ZBTB20: variants seen among roughly 807,000 people sequenced by gnomAD.
ZBTB20 encodes zinc finger and BTB domain containing 20.
In ZBTB20, 9 loss-of-function variants were observed where a neutral mutation model predicts 56.9. That is an observed-to-expected ratio of 0.16 (90% CI 0.10 to 0.28). The LOEUF (loss-of-function observed/expected upper bound fraction) is 0.28, where lower values mean the gene tolerates loss of function less well. Among genes scored for constraint, ZBTB20 ranks in the 10% least tolerant of loss-of-function variants. The probability of loss-of-function intolerance (pLI) is 1.00; values close to 1 mark genes in which losing one functional copy is unlikely to be tolerated. For missense variants in ZBTB20, 655 were observed against 1,003.0 expected (o/e 0.65, Z 4.69); for synonymous variants, 417 against 420.7 (o/e 0.99, Z 0.11).
intron 5 of ZBTB20, among the ~76,000 whole-genome samples, chr3:114,769,552 C>CATATATATAT (rs6148023): frequency 1.5e-4 from 18 of 116,732 alleles, no homozygotes; most frequent in African/African-American, 4.5e-4. Context: ...TGCCAAAATG[C>CATATATATAT]ATATATATAT....
At chr3:114,660,582 T>C (rs1391037582) in intron 6 of ZBTB20, among the ~76,000 whole-genome samples, 1 of 152,080 alleles carries the variant, frequency 6.6e-6, no homozygotes, top group Non-Finnish European at 1.5e-5. Flanking sequence ...GATTATTAAA[T>C]GATAGAGTAA....
chr3:114,922,721 A>C (rs1391248054), intron 3 of ZBTB20, among the ~76,000 whole-genome samples: 2 of 152,220 alleles, frequency 1.3e-5, no homozygotes, highest in African/African-American at 4.8e-5. Context: ...AAGTGAAGCC[A>C]GTGTGTGGAG....
intron 3 of ZBTB20, among the ~76,000 whole-genome samples, chr3:114,968,037 A>G (rs9882022): frequency 0.37 from 56,838 of 151,932 alleles, 12,410 homozygotes; most frequent in Non-Finnish European, 0.51. Context: ...ACAAGCTATT[A>G]TATAAAAATA....
chr3:115,111,471 A>C (rs1221074893), intron 1 of ZBTB20, among the ~76,000 whole-genome samples: 1 of 152,204 alleles, frequency 6.6e-6, no homozygotes, highest in African/African-American at 2.4e-5. Context: ...TATCTTAATA[A>C]AATTCATGTA....
At chr3:114,796,056 T>C (rs2071322606) in intron 5 of ZBTB20, among the ~76,000 whole-genome samples, 1 of 152,034 alleles carries the variant, frequency 6.6e-6, no homozygotes, top group African/African-American at 2.4e-5. Flanking sequence ...CACAAGCTTG[T>C]TGGCTTATAA....
chr3:114,934,626 T>A (rs1363568655), intron 3 of ZBTB20, among the ~76,000 whole-genome samples: 2 of 152,186 alleles, frequency 1.3e-5, no homozygotes, highest in Non-Finnish European at 2.9e-5. Context: ...TGGCCCTTCC[T>A]CTTTCTATCT....
chr3:114,644,252 T>C (rs2059717460), intron 6 of ZBTB20, among the ~76,000 whole-genome samples: 1 of 152,092 alleles, frequency 6.6e-6, no homozygotes, highest in South Asian at 2.1e-4. Context: ...TAATATATTA[T>C]TGTAAAAAAT....
chr3:114,898,406 T>C (rs967741006), intron 4 of ZBTB20, among the ~76,000 whole-genome samples: 3 of 152,104 alleles, frequency 2.0e-5, no homozygotes, highest in African/African-American at 7.2e-5. Flanking sequence ...TTCATTAAAA[T>C]AGTCAAAAAG....
chr3:114,908,993 A>G (rs969790324), intron 3 of ZBTB20, among the ~76,000 whole-genome samples: 1 of 152,000 alleles, frequency 6.6e-6, no homozygotes, highest in Non-Finnish European at 1.5e-5. Context: ...GAAAAAAAAT[A>G]AAGACAAAAA....
At chr3:114,802,599 T>C (rs1248083736) in intron 4 of ZBTB20, among the ~76,000 whole-genome samples, 4 of 151,836 alleles carry the variant, frequency 2.6e-5, no homozygotes, top group Non-Finnish European at 4.4e-5. Flanking sequence ...CAGGGACAAC[T>C]GAATGAGAGG....
In ZBTB20 at chr3:114,315,496, A is replaced by ATG. The variant is rs1300301094; in HGVS notation, c.*23507_*23508dup. ...TGAATGGATATGTATGTGTGTGTGCATGTGTGTATGTTTTAGGTCACATAA... is the reference window on the plus strand; with the variant it reads ...TGAATGGATATGTATGTGTGTGTGCATGTGTGTGTATGTTTTAGGTCACATAA... On this transcript the variant is annotated 3_prime_UTR_variant, in exon 12 of 12. Transcript: ENST00000675478. 6.6e-6 allele frequency: 1 copy of ATG among 150,656 alleles called. No individual in the cohort carries two copies. Among genetic ancestry groups the ATG allele is most frequent in the African/African-American group, 2.4e-5 (1 of 41,008 alleles). 9.3% of individuals were successfully genotyped at this position (150,656 alleles called of 1,614,324 possible).
intron 3 of ZBTB20, among the ~76,000 whole-genome samples, chr3:114,946,753 A>G (rs2076899756): frequency 3.4e-5 from 5 of 145,820 alleles, no homozygotes; most frequent in Admixed American, 3.3e-4. Flanking sequence ...GTCTAGAGAA[A>G]GAATTCATTA....
Position 114,317,746 on chromosome 3 carries a change from C to G in ZBTB20, c.*21259G>C, listed in dbSNP as rs1418449221. The G allele has an allele frequency of 6.6e-6, 1 of 152,010 alleles. No individual in the cohort carries two copies. Among genetic ancestry groups the G allele is most frequent in the African/African-American group, 2.4e-5 (1 of 41,348 alleles). 9.4% of individuals were successfully genotyped at this position (152,010 alleles called of 1,614,324 possible). ...TAACTATAAAAGGAAAAGATGAAGGCACGTGATATTATTCGGTCCCACAAT... is the reference window on the plus strand; with the variant it reads ...TAACTATAAAAGGAAAAGATGAAGGGACGTGATATTATTCGGTCCCACAAT... On this transcript the variant is annotated 3_prime_UTR_variant, in exon 12 of 12. Transcript: ENST00000675478.
chr3:114,514,799 T>C (rs112558550), intron 6 of ZBTB20, among the ~76,000 whole-genome samples: 2 of 152,038 alleles, frequency 1.3e-5, no homozygotes, highest in African/African-American at 4.8e-5. Flanking sequence ...AAATCGATAA[T>C]CTTAAGAAAA....
chr3:115,048,835 G>A (rs1576648204), intron 2 of ZBTB20, among the ~76,000 whole-genome samples: 1 of 151,972 alleles, frequency 6.6e-6, no homozygotes, highest in Non-Finnish European at 1.5e-5. Flanking sequence ...ATTTTTGGAT[G>A]ATATATAAAA....
intron 1 of ZBTB20, among the ~76,000 whole-genome samples, chr3:115,138,245 G>C (rs1277280968): frequency 6.6e-6 from 1 of 151,996 alleles, no homozygotes; most frequent in Non-Finnish European, 1.5e-5. Context: ...TCCTACCCAT[G>C]ATTTCCAAGG....
intron 1 of ZBTB20, among the ~76,000 whole-genome samples, chr3:115,086,917 T>G (rs1370380882): frequency 6.6e-6 from 1 of 151,794 alleles, no homozygotes. Context: ...ATGGTAATAT[T>G]CAACAGATAC....
intron 6 of ZBTB20, among the ~76,000 whole-genome samples, chr3:114,530,703 T>A (rs781327798): frequency 2.6e-5 from 4 of 152,212 alleles, no homozygotes; most frequent in South Asian, 2.1e-4. Context: ...TTAACTACTG[T>A]CTCAAAATGA....
At chr3:115,048,208 G>A (rs1319730880) in intron 2 of ZBTB20, among the ~76,000 whole-genome samples, 1 of 152,158 alleles carries the variant, frequency 6.6e-6, no homozygotes, top group African/African-American at 2.4e-5. Flanking sequence ...CTGGGCGACA[G>A]AGCGAGACTC....
Sources: gnomAD v4.1 joint callset for allele counts (sites outside exome capture counted in the v4.1 genomes callset) on GRCh38, gnomAD v4.1.1 for gene constraint, MANE v1.5 for transcripts, NCBI Gene and HGNC (gene_info 2026-07-23, HGNC 2026-07-21) for gene names.